Variants in HELQ observed in about 807,000 individuals in gnomAD.
HELQ encodes helicase POLQ-like.
A neutral mutation model predicts 111.6 loss-of-function variants in HELQ; 77 were observed. The observed-to-expected ratio is 0.69, with a 90% CI of 0.57 to 0.83. The LOEUF (loss-of-function observed/expected upper bound fraction) is 0.83. Ranked by LOEUF, HELQ falls within the 40% of genes least tolerant of loss-of-function variation. The probability of loss-of-function intolerance (pLI) is 0.00; values close to 1 mark genes in which losing one functional copy is unlikely to be tolerated. For missense variants in HELQ, 1,200 were observed against 1,288.5 expected (o/e 0.93, Z 1.05); for synonymous variants, 438 against 454.7 (o/e 0.96, Z 0.47).
intron 17 of HELQ, among the ~76,000 whole-genome samples, chr4:83,412,224 T>C (rs1739141381): frequency 6.6e-6 from 1 of 152,180 alleles, no homozygotes; most frequent in Non-Finnish European, 1.5e-5. Context: ...AGTTTCACTG[T>C]TTTATGTAGT....
chr4:83,420,640 C>T (rs1739629222), intron 15 of HELQ, among the ~76,000 whole-genome samples: 1 of 152,050 alleles, frequency 6.6e-6, no homozygotes, highest in Admixed American at 6.6e-5. Context: ...CATAAGTTAA[C>T]TGGGAGTGGT....
intron 1 of HELQ, among the ~76,000 whole-genome samples, chr4:83,454,688 A>C (rs1488844139): frequency 6.6e-6 from 1 of 151,860 alleles, no homozygotes; most frequent in South Asian, 2.1e-4. Flanking sequence ...CTGCCTCCTA[A>C]AGCACTGGGA....
chr4:83,426,132 A>G (rs1189920299), intron 13 of HELQ, 40 bp from the exon 14 acceptor site: 1 of 1,062,418 alleles, frequency 9.4e-7, no homozygotes, highest in Non-Finnish European at 1.5e-6. Flanking sequence ...ACATCAAAAA[A>G]TCTGTCATGT....
chr4:83,414,517 T>C (rs1739265098), intron 17 of HELQ, among the ~76,000 whole-genome samples: 1 of 152,088 alleles, frequency 6.6e-6, no homozygotes, highest in African/African-American at 2.4e-5. Flanking sequence ...AGTAAGAAAA[T>C]ACTTCAAGAA....
chr4:83,410,285 G>A (rs1211785019), intron 17 of HELQ, among the ~76,000 whole-genome samples: 1 of 152,132 alleles, frequency 6.6e-6, no homozygotes, highest in Admixed American at 6.5e-5. Flanking sequence ...GGGAAGGAGA[G>A]GAAATAAAAT....
chr4:83,453,874 A>C lies in HELQ; in HGVS notation c.369T>G (p.Val123=). 6.2e-7 allele frequency: 1 copy of C among 1,614,068 alleles called. No homozygotes were observed. The highest frequency in any genetic ancestry group is 8.5e-7 in the Non-Finnish European group (1 of 1,179,934). ...SFTENSFIAQ[V]DDLEQKYMQL... Reference sequence around the variant, plus strand: ...GCATATATTTTTGTTCCAGGTCGTCAACTTGAGCTATAAAGGAGTTTTCAG... The same window carrying C: ...GCATATATTTTTGTTCCAGGTCGTCCACTTGAGCTATAAAGGAGTTTTCAG... The change falls in exon 2 of 18, where the codon GTT becomes GTG. Residue 123 remains valine, a synonymous_variant. Transcript: ENST00000295488.
intron 8 of HELQ, among the ~76,000 whole-genome samples, chr4:83,439,213 G>A (rs1231505417): frequency 6.6e-6 from 1 of 151,898 alleles, no homozygotes; most frequent in Non-Finnish European, 1.5e-5. Context: ...GACTACAGGT[G>A]CACGCCACCA....
chr4:83,446,304 T>C (rs1721043491), intron 4 of HELQ, among the ~76,000 whole-genome samples: 1 of 130,518 alleles, frequency 7.7e-6, no homozygotes, highest in African/African-American at 2.6e-5. Flanking sequence ...TCATAAGTAC[T>C]ACTAAAAAAA....
chr4:83,410,220 G>C (rs765420681), intron 17 of HELQ, among the ~76,000 whole-genome samples: 5 of 152,020 alleles, frequency 3.3e-5, no homozygotes, highest in South Asian at 2.1e-4. Flanking sequence ...CTGCACTCTA[G>C]CCTGGGTGAC....
intron 4 of HELQ, among the ~76,000 whole-genome samples, chr4:83,446,488 G>T (rs1721055619): frequency 6.6e-6 from 1 of 151,918 alleles, no homozygotes. Context: ...TGTATTTTTA[G>T]TAGAGACAGG....
chr4:83,425,490 C>A (rs1468453388), intron 14 of HELQ, among the ~76,000 whole-genome samples: 1 of 152,110 alleles, frequency 6.6e-6, no homozygotes, highest in East Asian at 1.9e-4. Context: ...TTGCTTCATG[C>A]CTGCAGACTG....
At chr4:83,409,346 C>G (rs902236139) in intron 17 of HELQ, among the ~76,000 whole-genome samples, 2 of 151,932 alleles carry the variant, frequency 1.3e-5, no homozygotes, top group Non-Finnish European at 2.9e-5. Context: ...GTCAGGAGAT[C>G]GAGACCATCC....
chr4:83,427,789 T>A, intron 12 of HELQ, 69 bp from the exon 13 acceptor site: 1 of 1,154,780 alleles, frequency 8.7e-7, no homozygotes, highest in Non-Finnish European at 1.2e-6. Context: ...CTTTAAATAT[T>A]GTGTAGAAAT....
chr4:83,430,378 T>G (rs1045523491), intron 11 of HELQ, among the ~76,000 whole-genome samples: 2 of 152,324 alleles, frequency 1.3e-5, no homozygotes, highest in African/African-American at 4.8e-5. Context: ...AAATGTTACC[T>G]AAAAATAGTT....
At chr4:83,435,697 G>A (rs1428156604) in intron 9 of HELQ, among the ~76,000 whole-genome samples, 1 of 151,986 alleles carries the variant, frequency 6.6e-6, no homozygotes, top group African/African-American at 2.4e-5. Flanking sequence ...TTTAAATCTG[G>A]CACTAAAATT....
chr4:83,450,664 CAAAA>C (rs11353264), intron 2 of HELQ, among the ~76,000 whole-genome samples: 1 of 120,092 alleles, frequency 8.3e-6, no homozygotes, highest in African/African-American at 2.8e-5. Flanking sequence ...ATCTTCACAT[CAAAA>C]AAAAAAAAAA....
At chr4:83,431,290 T>C (rs1033469385) in intron 11 of HELQ, among the ~76,000 whole-genome samples, 11 of 152,052 alleles carry the variant, frequency 7.2e-5, no homozygotes, top group African/African-American at 2.7e-4. Flanking sequence ...CAAGTATTTA[T>C]TAAGTGCCAA....
At chr4:83,439,220 A>C (rs1313564452) in intron 8 of HELQ, among the ~76,000 whole-genome samples, 2 of 151,992 alleles carry the variant, frequency 1.3e-5, no homozygotes, top group Non-Finnish European at 2.9e-5. Flanking sequence ...GGTGCACGCC[A>C]CCACACCCAG....
intron 5 of HELQ, among the ~76,000 whole-genome samples, chr4:83,445,566 C>T (rs1048386520): frequency 3.3e-5 from 5 of 152,046 alleles, no homozygotes; most frequent in Non-Finnish European, 7.4e-5. Context: ...TTAAATGTAT[C>T]GCTTTACAAT....
Sources: allele counts gnomAD v4.1 joint callset (sites outside exome capture counted in the v4.1 genomes callset), GRCh38; gene constraint gnomAD v4.1.1; transcripts MANE v1.5; gene names NCBI Gene and HGNC (gene_info 2026-07-23, HGNC 2026-07-21).